The following KSR1 variants were observed in gnomAD, a reference collection of about 807,000 sequenced individuals.
The protein encoded by KSR1 is kinase suppressor of ras.
A neutral mutation model predicts 92.9 loss-of-function variants in KSR1; 35 were observed. That is an observed-to-expected ratio of 0.38 (90% CI 0.29 to 0.50). The LOEUF is 0.50. Ranked by LOEUF, KSR1 falls within the 20% of genes least tolerant of loss-of-function variation. The pLI, the probability that KSR1 is intolerant of heterozygous loss-of-function variation, is 0.94. For missense variants in KSR1, 972 were observed against 1,158.5 expected (o/e 0.84, Z 2.34); for synonymous variants, 467 against 472.6 (o/e 0.99, Z 0.15).
chr17:27,457,535 T>C (rs2019236407), intron 1 of KSR1, among the ~76,000 whole-genome samples: 1 of 152,224 alleles, frequency 6.6e-6, no homozygotes, highest in South Asian at 2.1e-4. Flanking sequence ...TAGGAAGGAT[T>C]ATGCTGGGAA....
At chr17:27,583,562 T>A (rs2072857088) in intron 4 of KSR1, among the ~76,000 whole-genome samples, 1 of 152,196 alleles carries the variant, frequency 6.6e-6, no homozygotes, top group African/African-American at 2.4e-5. Context: ...TCTTGGAAGT[T>A]CCACCCACCA....
intron 1 of KSR1, among the ~76,000 whole-genome samples, chr17:27,510,015 G>A (rs2069540344): frequency 6.6e-6 from 1 of 152,162 alleles, no homozygotes; most frequent in Non-Finnish European, 1.5e-5. Flanking sequence ...GCCTGAGGAG[G>A]GTAGTACCCT....
intron 1 of KSR1, among the ~76,000 whole-genome samples, chr17:27,547,563 A>G (rs1272867709): frequency 2.0e-5 from 3 of 152,130 alleles, no homozygotes; most frequent in Admixed American, 6.6e-5. Flanking sequence ...GCACTGTTGG[A>G]TGTTTAATAC....
At chr17:27,500,609 T>C (rs2069143537) in intron 1 of KSR1, among the ~76,000 whole-genome samples, 2 of 152,202 alleles carry the variant, frequency 1.3e-5, no homozygotes, top group Admixed American at 6.5e-5. Flanking sequence ...GAAACTAAAG[T>C]TGTTTTGGAA....
rs2074321289 is a variant in KSR1 at position 27,625,454 on chromosome 17, G to A, written c.*2062G>A. ...GCACCTAGAGATAGGAACAGTCATG[G>A]TCCCTGCTCTTAAGGAACTGATGAC... On this transcript the variant is annotated 3_prime_UTR_variant, in exon 21 of 21. Coordinates refer to ENST00000644974, the MANE Select transcript of KSR1 (RefSeq NM_001394583.1). The A allele has an allele frequency of 6.6e-6, 1 of 152,260 alleles. No individual in the cohort carries two copies. The highest frequency in any genetic ancestry group is 1.5e-5 in the Non-Finnish European group (1 of 68,058). 9.4% of individuals were successfully genotyped at this position (152,260 alleles called of 1,614,324 possible). A position where few individuals can be genotyped will look rare whatever the true frequency, so the allele number is the denominator to read the frequency against.
At chr17:27,504,578 C>A (rs2069308340) in intron 1 of KSR1, among the ~76,000 whole-genome samples, 1 of 152,086 alleles carries the variant, frequency 6.6e-6, no homozygotes, top group Non-Finnish European at 1.5e-5. Flanking sequence ...GGGAGAAGGG[C>A]TGGACATTTC....
chr17:27,578,401 G>C (rs1338136706), intron 3 of KSR1: 5 of 152,698 alleles, frequency 3.3e-5, no homozygotes, highest in African/African-American at 1.2e-4. Flanking sequence ...TGCCCTCATT[G>C]TATCAAGTCC....
At chr17:27,527,728 GA>G (rs2070372001) in intron 1 of KSR1, among the ~76,000 whole-genome samples, 1 of 152,158 alleles carries the variant, frequency 6.6e-6, no homozygotes, top group African/African-American at 2.4e-5. Flanking sequence ...GACTGTATAA[GA>G]ATCATGAGAA....
intron 9 of KSR1, among the ~76,000 whole-genome samples, chr17:27,594,881 C>T (rs956425382): frequency 6.6e-5 from 10 of 152,148 alleles, no homozygotes; most frequent in East Asian, 3.9e-4. Context: ...GATTGAACAA[C>T]GCTATGACCT....
Position 27,607,263 on chromosome 17 carries a change from A to G in KSR1, c.1995-651A>G, listed in dbSNP as rs181031704. ...TTGCCTGGTTTTCAAAGGCTCTGAG[A>G]CTCCAAGAATATTTTCCTAAAAACA... On this transcript the variant is annotated intron_variant, in intron 14 of 20. Transcript: ENST00000644974. Among the ~76,000 whole-genome samples the G allele has an allele frequency of 8.3e-3, 1,260 of 152,124 alleles. 9 individuals carry two copies. Among genetic ancestry groups the G allele is most frequent in the Middle Eastern group, 0.068 (20 of 294 alleles).
intron 2 of KSR1, among the ~76,000 whole-genome samples, chr17:27,553,205 G>T (rs541103524): frequency 3.3e-5 from 5 of 152,310 alleles, no homozygotes; most frequent in Admixed American, 2.0e-4. Context: ...TGAAAGTCAA[G>T]TGCGGGGGTG....
At chr17:27,563,538 C>T (rs939335761) in intron 2 of KSR1, among the ~76,000 whole-genome samples, 4 of 152,100 alleles carry the variant, frequency 2.6e-5, no homozygotes, top group African/African-American at 4.8e-5. Flanking sequence ...ATTACAGGCA[C>T]GAGCCACCGA....
intron 19 of KSR1, among the ~76,000 whole-genome samples, chr17:27,618,483 T>C (rs1380847776): frequency 6.6e-6 from 1 of 152,178 alleles, no homozygotes; most frequent in Admixed American, 6.5e-5. Flanking sequence ...GTAAACTGGC[T>C]GTAAGGGGCC....
At chr17:27,505,853 T>G (rs1201722426) in intron 1 of KSR1, among the ~76,000 whole-genome samples, 1 of 152,236 alleles carries the variant, frequency 6.6e-6, no homozygotes, top group Non-Finnish European at 1.5e-5. Flanking sequence ...ACAGTGTATG[T>G]GTTTTCAATC....
rs60879548 is a variant in KSR1, at chr17:27,508,709, T to TTTTATTTATTTATTTATTTA, written c.232-41840_232-41821dup. On this transcript the variant is annotated intron_variant, in intron 1 of 20. Coordinates refer to ENST00000644974, the MANE Select transcript of KSR1 (RefSeq NM_001394583.1). ...TTTCCTAGGTTTGGGCCTGAATTTT[T>TTTTATTTATTTATTTATTTA]TTTATTTATTTATTTATTTATTTAT... 7.9e-4 allele frequency among the ~76,000 whole-genome samples: 109 copies of TTTTATTTATTTATTTATTTA among 138,328 alleles called. 1 individual carries two copies. The highest frequency in any genetic ancestry group is 3.8e-3 in the East Asian group (18 of 4,730). The allele number at this position is 138,328 out of a possible 152,430, so 90.7% of individuals were successfully genotyped here.
chr17:27,488,955 T>C (rs2068744222), intron 1 of KSR1, among the ~76,000 whole-genome samples: 1 of 152,212 alleles, frequency 6.6e-6, no homozygotes, highest in Non-Finnish European at 1.5e-5. Flanking sequence ...AGAGCAAGAC[T>C]CCATCTCAAA....
At chr17:27,491,069 C>G (rs981289320) in intron 1 of KSR1, among the ~76,000 whole-genome samples, 1 of 152,046 alleles carries the variant, frequency 6.6e-6, no homozygotes, top group African/African-American at 2.4e-5. Context: ...GTGTGTGTAT[C>G]TATACACACA....
chr17:27,579,878 CAAAAAAAAAAAA>C lies in KSR1; in HGVS notation c.520+2261_520+2272del, dbSNP rs71160198. ...GTAACAGAGCCAGATGCTGTCTCAC[CAAAAAAAAAAAA>C]AAAAAAAAAAAAAAAAAAAAAGTGA... On this transcript the variant is annotated intron_variant, in intron 3 of 20. Transcript: ENST00000644974. 4.8e-3 allele frequency: 143 copies of C among 29,614 alleles called. 1 individual carries two copies. Among genetic ancestry groups the C allele is most frequent in the African/African-American group, 0.013 (111 of 8,310 alleles). The allele number at this position is 29,614 out of a possible 1,614,324, so 1.8% of individuals were successfully genotyped here.
intron 1 of KSR1, among the ~76,000 whole-genome samples, chr17:27,550,160 C>T (rs1047397672): frequency 2.6e-5 from 4 of 152,262 alleles, no homozygotes; most frequent in Admixed American, 6.5e-5. Flanking sequence ...CCACCTTAGC[C>T]TCCCAAGTAG....
Sources: allele counts gnomAD v4.1 joint callset (sites outside exome capture counted in the v4.1 genomes callset), GRCh38; gene constraint gnomAD v4.1.1; transcripts MANE v1.5; gene names NCBI Gene and HGNC (gene_info 2026-07-23, HGNC 2026-07-21).